Variants in ARL6IP6 observed in about 807,000 individuals in gnomAD.
ARL6IP6 encodes the protein ADP-ribosylation factor-like protein 6-interacting protein 6.
Under a neutral mutation model 21.5 loss-of-function variants are expected in ARL6IP6, and 22 were observed. The observed-to-expected ratio is 1.02, with a 90% CI of 0.73 to 1.46. The LOEUF (loss-of-function observed/expected upper bound fraction) is 1.46, where lower values mean the gene tolerates loss of function less well. Among genes scored for constraint, ARL6IP6 ranks in the 40% most tolerant of loss-of-function variants. The probability of loss-of-function intolerance (pLI) is 0.00; values close to 1 mark genes in which losing one functional copy is unlikely to be tolerated. For synonymous variants in ARL6IP6, 164 were observed against 125.3 expected, an observed-to-expected ratio of 1.31 and a Z score of -2.06; for missense variants, 388 against 299.8, an observed-to-expected ratio of 1.29 and a Z score of -2.17.
chr2:152,720,721 A>G, intron 2 of ARL6IP6, 135 bp downstream of exon 2: 1 of 768,198 alleles, frequency 1.3e-6, no homozygotes. Context: ...TAATTTGCAT[A>G]TGTTGGTGAT....
intron 2 of ARL6IP6, among the ~76,000 whole-genome samples, chr2:152,731,346 G>C (rs1227163749): frequency 1.3e-5 from 2 of 152,138 alleles, no homozygotes; most frequent in African/African-American, 2.4e-5. Flanking sequence ...GTCTGTTACT[G>C]AGCTTCACAA....
intron 3 of ARL6IP6, among the ~76,000 whole-genome samples, chr2:152,748,300 A>G (rs1269665651): frequency 6.6e-6 from 1 of 152,250 alleles, no homozygotes; most frequent in African/African-American, 2.4e-5. Context: ...ACAAAAGGAT[A>G]TAATAAAGTT....
chr2:152,724,515 A>G (rs1699944041), intron 2 of ARL6IP6, among the ~76,000 whole-genome samples: 1 of 152,246 alleles, frequency 6.6e-6, no homozygotes, highest in Non-Finnish European at 1.5e-5. Context: ...AGCAAGAATT[A>G]GCCATGTGCA....
chr2:152,736,200 T>C (rs2105132693), intron 3 of ARL6IP6, among the ~76,000 whole-genome samples: 1 of 152,320 alleles, frequency 6.6e-6, no homozygotes, highest in South Asian at 2.1e-4. Context: ...AACATTACAA[T>C]GCCATCCCGT....
upstream of ARL6IP6, chr2:152,717,950 G>A (rs1004392527): frequency 1.2e-4 from 124 of 1,008,198 alleles, no homozygotes; most frequent in African/African-American, 1.9e-3. Flanking sequence ...CGGGGAAGGC[G>A]AAAGGAGGGG....
intron 3 of ARL6IP6, among the ~76,000 whole-genome samples, chr2:152,753,699 CTTTT>C (rs138584533): frequency 4.1e-4 from 44 of 107,320 alleles, no homozygotes; most frequent in Non-Finnish European, 4.1e-4. Flanking sequence ...TTCAGGTCCT[CTTTT>C]TTTTTTTTTT....
chr2:152,718,332 G>C (rs1003811690), upstream of ARL6IP6: 1 of 331,616 alleles, frequency 3.0e-6, no homozygotes, highest in Non-Finnish European at 5.3e-6. Flanking sequence ...ACGAAGCCCC[G>C]CAGGGAGTGG....
upstream of ARL6IP6, chr2:152,717,953 AGGAGGGGTTC>A: frequency 9.9e-7 from 1 of 1,007,746 alleles, no homozygotes; most frequent in African/African-American, 1.7e-5. Context: ...GGAAGGCGAA[AGGAGGGGTTC>A]GGAGGAGAGG....
intron 2 of ARL6IP6, among the ~76,000 whole-genome samples, chr2:152,730,011 A>C (rs1441553530): frequency 6.6e-6 from 1 of 152,200 alleles, no homozygotes; most frequent in Non-Finnish European, 1.5e-5. Context: ...GCTTATTTGC[A>C]AATGAATTAG....
chr2:152,744,626 T>A (rs532358180), intron 3 of ARL6IP6, among the ~76,000 whole-genome samples: 2 of 152,270 alleles, frequency 1.3e-5, no homozygotes, highest in South Asian at 4.1e-4. Flanking sequence ...ATTTCACAGT[T>A]AATATACAAA....
chr2:152,750,648 T>TA (rs72543954), intron 3 of ARL6IP6, among the ~76,000 whole-genome samples: 319 of 1,066 alleles, frequency 0.3, 9 homozygotes, highest in Admixed American at 0.49. Flanking sequence ...CTTTACACAA[T>TA]GTACCTCTTT....
chr2:152,727,537 T>C (rs1700101610), intron 2 of ARL6IP6, among the ~76,000 whole-genome samples: 2 of 152,212 alleles, frequency 1.3e-5, no homozygotes, highest in African/African-American at 4.8e-5. Context: ...CGCTCACTGA[T>C]TGACCCAGAG....
chr2:152,752,545 G>A (rs1225935651), intron 3 of ARL6IP6, among the ~76,000 whole-genome samples: 2 of 152,240 alleles, frequency 1.3e-5, no homozygotes. Context: ...TTATTAAAGT[G>A]AGAAAGTGCT....
chr2:152,759,700 C>G (rs776356898), intron 3 of ARL6IP6, 47 bp from the exon 4 acceptor site: 1 of 1,488,166 alleles, frequency 6.7e-7, no homozygotes, highest in Non-Finnish European at 9.3e-7. Flanking sequence ...CTTTGTTATA[C>G]CACGTTACAT....
At chr2:152,720,452 C>T (rs759738547) in intron 1 of ARL6IP6, 81 bp from the exon 2 acceptor site, 21 of 1,392,394 alleles carry the variant, frequency 1.5e-5, no homozygotes, top group South Asian at 2.3e-5. Flanking sequence ...TTCCACAGCT[C>T]CACAATGCCT....
At position 152,718,820 on chromosome 2, in the gene ARL6IP6, G is replaced by C. The variant is rs748493173; in HGVS notation, c.196G>C (p.Glu66Gln). 4 of 1,609,278 alleles carry C rather than the reference G, an allele frequency of 2.5e-6. No individual in the cohort carries two copies. Among genetic ancestry groups the C allele is most frequent in the South Asian group, 2.2e-5 (2 of 90,646 alleles). The change falls in exon 1 of 4, where the codon GAG (glutamate) becomes CAG (glutamine). Residue 66 changes from glutamate to glutamine, a missense_variant. By Grantham distance (29) the Glu-to-Gln change is conservative. Transcript: ENST00000326446. The part of the protein sequence containing the change: ...RAEFSAGAWS[E>Q]PRKRSVLPPD... ...GGAGTTCTCGGCTGGGGCGTGGTCA[G>C]AGCCCAGAAAGCGCTCGGTGCTCCC...
At chr2:152,744,760 C>T (rs914195469) in intron 3 of ARL6IP6, among the ~76,000 whole-genome samples, 8 of 152,186 alleles carry the variant, frequency 5.3e-5, no homozygotes, top group Non-Finnish European at 1.0e-4. Flanking sequence ...TCCAGACACT[C>T]AATTTTAGAA....
At position 152,735,220 on chromosome 2, in the gene ARL6IP6, G is replaced by A. The variant is rs1288000416; in HGVS notation, c.587+94G>A. The A allele has an allele frequency of 5.0e-6, 7 of 1,413,336 alleles. No homozygotes were observed. In the Admixed American group the frequency reaches 5.7e-5, roughly 12 times the overall value. The allele number at this position is 1,413,336 out of a possible 1,614,324, so 87.5% of individuals were successfully genotyped here. A position where few individuals can be genotyped will look rare whatever the true frequency, so the allele number is the denominator to read the frequency against. ...AAGCAAGAGGCTGATCGTGAGGTAT[G>A]TTGAGGTTTCAGTCTTTATAAAGCA... On this transcript the variant is annotated intron_variant, in intron 3 of 3. Coordinates refer to ENST00000326446, the MANE Select transcript of ARL6IP6 (RefSeq NM_152522.7).
chr2:152,752,899 T>C (rs377031808), intron 3 of ARL6IP6, among the ~76,000 whole-genome samples: 21 of 152,164 alleles, frequency 1.4e-4, no homozygotes, highest in East Asian at 1.4e-3. Context: ...GTTTTCCCTT[T>C]GATTGAACTT....
Sources: gnomAD v4.1 joint callset for allele counts (sites outside exome capture counted in the v4.1 genomes callset) on GRCh38, gnomAD v4.1.1 for gene constraint, MANE v1.5 for transcripts, NCBI Gene and HGNC (gene_info 2026-07-23, HGNC 2026-07-21) for gene names.